Variants in ANKUB1 observed in about 807,000 individuals in gnomAD.
ANKUB1 encodes the protein ankyrin repeat and ubiquitin domain containing 1.
In ANKUB1, 42 loss-of-function variants were observed where a neutral mutation model predicts 49.3. The observed-to-expected ratio is 0.85, with a 90% CI of 0.67 to 1.10. ANKUB1 has a LOEUF of 1.10. Ranked by LOEUF, ANKUB1 falls within the 50% of genes least tolerant of loss-of-function variation. The pLI, the probability that ANKUB1 is intolerant of heterozygous loss-of-function variation, is 0.00. For synonymous variants in ANKUB1, 222 were observed against 231.0 expected, an observed-to-expected ratio of 0.96 and a Z score of 0.35; for missense variants, 613 against 642.0, an observed-to-expected ratio of 0.95 and a Z score of 0.49.
chr3:149,779,476 C>T (rs1717754133), intron 3 of ANKUB1: 1 of 152,050 alleles, frequency 6.6e-6, no homozygotes, highest in Non-Finnish European at 1.5e-5. Flanking sequence ...CTATGCCCAG[C>T]CAAGGTATAG....
At chr3:149,780,076 AAC>A (rs1717787511) in intron 3 of ANKUB1, 161 bp downstream of exon 3, 2 of 661,028 alleles carry the variant, frequency 3.0e-6, no homozygotes, top group Middle Eastern at 8.4e-4. Context: ...CTGATATTTA[AAC>A]TATGTAAATG....
chr3:149,773,244 A>G (rs148475980), intron 3 of ANKUB1, among the ~76,000 whole-genome samples: 1 of 151,984 alleles, frequency 6.6e-6, no homozygotes, highest in African/African-American at 2.4e-5. Flanking sequence ...TGGACATTCT[A>G]TGTTATAACC....
At chr3:149,782,037 A>G (rs1035097742) in intron 2 of ANKUB1, among the ~76,000 whole-genome samples, 2 of 152,244 alleles carry the variant, frequency 1.3e-5, no homozygotes, top group African/African-American at 4.8e-5. Flanking sequence ...AATGTAGATA[A>G]TATTTACGGG....
chr3:149,776,412 T>A (rs1717598570), intron 3 of ANKUB1, among the ~76,000 whole-genome samples: 1 of 152,192 alleles, frequency 6.6e-6, no homozygotes, highest in African/African-American at 2.4e-5. Flanking sequence ...GGTCTCCACC[T>A]ACATGGGCAG....
chr3:149,770,706 A>G, intron 3 of ANKUB1, 32 bp from the exon 4 acceptor site: 2 of 1,353,362 alleles, frequency 1.5e-6, no homozygotes, highest in Non-Finnish European at 2.0e-6. Context: ...TTATGGTTCC[A>G]GTCCAGCAGT....
intron 2 of ANKUB1, among the ~76,000 whole-genome samples, chr3:149,787,095 T>G (rs911155677): frequency 1.3e-5 from 2 of 152,226 alleles, no homozygotes; most frequent in Non-Finnish European, 1.5e-5. Context: ...ACTAGTTTTT[T>G]CCAATTCTGT....
chr3:149,792,501 A>T lies in ANKUB1; in HGVS notation c.-135T>A. 1.7e-6 allele frequency: 1 copy of T among 577,722 alleles called. No individual in the cohort carries two copies. Among genetic ancestry groups the T allele is most frequent in the African/African-American group, 1.9e-5 (1 of 52,138 alleles). 35.8% of individuals were successfully genotyped at this position (577,722 alleles called of 1,614,324 possible). A position where few individuals can be genotyped will look rare whatever the true frequency, so the allele number is the denominator to read the frequency against. ...GCTGTCACTGTCTAGCCTCAAAGGT[A>T]AGTTGTAGAATGTGAAGAGCCTAGT... On this transcript the variant is annotated 5_prime_UTR_variant, in exon 1 of 6. Coordinates refer to ENST00000446160, the MANE Select transcript of ANKUB1 (RefSeq NM_001144960.3).
chr3:149,789,273 A>G (rs1362240539), intron 2 of ANKUB1, among the ~76,000 whole-genome samples: 2 of 152,186 alleles, frequency 1.3e-5, no homozygotes, highest in East Asian at 3.8e-4. Context: ...AGTCAGCTCA[A>G]ATGTTAGTAT....
At chr3:149,770,150 G>T (rs964824101) in intron 4 of ANKUB1, among the ~76,000 whole-genome samples, 4 of 151,980 alleles carry the variant, frequency 2.6e-5, no homozygotes, top group African/African-American at 9.7e-5. Context: ...TAAGAATATG[G>T]TATATAATAC....
At chr3:149,772,884 G>A (rs1391724018) in intron 3 of ANKUB1, among the ~76,000 whole-genome samples, 2 of 152,196 alleles carry the variant, frequency 1.3e-5, no homozygotes, top group Non-Finnish European at 2.9e-5. Context: ...GGCCTTGGTG[G>A]TGTCTAAACT....
intron 2 of ANKUB1, among the ~76,000 whole-genome samples, chr3:149,782,270 T>C (rs1717905355): frequency 6.6e-6 from 1 of 151,678 alleles, no homozygotes; most frequent in Non-Finnish European, 1.5e-5. Flanking sequence ...AAAAAAAAAT[T>C]TTTTTTTAGA....
At chr3:149,782,439 G>A (rs1717911571) in intron 2 of ANKUB1, among the ~76,000 whole-genome samples, 1 of 152,006 alleles carries the variant, frequency 6.6e-6, no homozygotes, top group Non-Finnish European at 1.5e-5. Flanking sequence ...TTAAAAAGAA[G>A]CTTCTCAGAA....
At chr3:149,787,554 C>T (rs937504872) in intron 2 of ANKUB1, among the ~76,000 whole-genome samples, 5 of 152,036 alleles carry the variant, frequency 3.3e-5, no homozygotes, top group Admixed American at 6.6e-5. Flanking sequence ...AATTGAATAC[C>T]CTTTATTTCT....
chr3:149,768,803 A>G (rs1312318879), intron 4 of ANKUB1, among the ~76,000 whole-genome samples: 1 of 151,648 alleles, frequency 6.6e-6, no homozygotes, highest in Non-Finnish European at 1.5e-5. Flanking sequence ...TTGGCCTCCC[A>G]AAGTAATGGG....
intron 3 of ANKUB1, chr3:149,778,559 T>C (rs542156294): frequency 1.1e-4 from 16 of 152,294 alleles, no homozygotes; most frequent in African/African-American, 3.4e-4. Context: ...ATAACTAAAT[T>C]ATCAGTTAGT....
chr3:149,770,108 T>C (rs984901533), intron 4 of ANKUB1, among the ~76,000 whole-genome samples: 1 of 152,218 alleles, frequency 6.6e-6, no homozygotes, highest in African/African-American at 2.4e-5. Context: ...ATGATTTTCT[T>C]AATATTTTCT....
chr3:149,791,145 A>G (rs892123979), intron 1 of ANKUB1, among the ~76,000 whole-genome samples: 2 of 152,218 alleles, frequency 1.3e-5, no homozygotes, highest in African/African-American at 4.8e-5. Context: ...TTAACTCTAA[A>G]TGAAATTGAG....
chr3:149,789,735 T>G (rs1718275991), intron 2 of ANKUB1, among the ~76,000 whole-genome samples: 1 of 151,808 alleles, frequency 6.6e-6, no homozygotes, highest in African/African-American at 2.4e-5. Flanking sequence ...GTTCAAGTGA[T>G]TCTCCTGCCT....
At chr3:149,786,217 A>C (rs1718093308) in intron 2 of ANKUB1, among the ~76,000 whole-genome samples, 1 of 152,090 alleles carries the variant, frequency 6.6e-6, no homozygotes, top group Non-Finnish European at 1.5e-5. Context: ...TTGTACTTTT[A>C]GTAGAAACGG....
Sources: gnomAD v4.1 joint callset for allele counts (sites outside exome capture counted in the v4.1 genomes callset) on GRCh38, gnomAD v4.1.1 for gene constraint, MANE v1.5 for transcripts, NCBI Gene and HGNC (gene_info 2026-07-23, HGNC 2026-07-21) for gene names.